The following ALG14 variants were observed in gnomAD, a reference collection of about 807,000 sequenced individuals.
ALG14 encodes UDP-N-acetylglucosamine transferase subunit ALG14.
ALG14 carries 17 observed loss-of-function variants against 22.8 expected under a neutral mutation model. That is an observed-to-expected ratio of 0.75 (90% confidence interval 0.51 to 1.12). The LOEUF (loss-of-function observed/expected upper bound fraction) is 1.12. Among genes scored for constraint, ALG14 ranks in the 50% most tolerant of loss-of-function variants. The probability of loss-of-function intolerance (pLI) is 0.00; values close to 1 mark genes in which losing one functional copy is unlikely to be tolerated. For synonymous variants in ALG14, 89 were observed against 103.7 expected (o/e 0.86, Z 0.86); for missense variants, 288 against 271.8 (o/e 1.06, Z -0.42).
intron 1 of ALG14, among the ~76,000 whole-genome samples, chr1:95,071,204 C>A (rs1675550281): frequency 6.6e-6 from 1 of 152,176 alleles, no homozygotes; most frequent in South Asian, 2.1e-4. Flanking sequence ...GGCCTGTGGT[C>A]TTAACCCCTA....
intron 1 of ALG14, among the ~76,000 whole-genome samples, chr1:95,066,003 G>A (rs755806462): frequency 4.6e-5 from 7 of 152,032 alleles, no homozygotes; most frequent in African/African-American, 1.4e-4. Flanking sequence ...TTTCAGTCTC[G>A]TTTCACAAGC....
At chr1:95,019,944 G>A (rs1673613007) in intron 3 of ALG14, among the ~76,000 whole-genome samples, 1 of 152,178 alleles carries the variant, frequency 6.6e-6, no homozygotes, top group Non-Finnish European at 1.5e-5. Context: ...ATGGCCGGGT[G>A]TGGTGGCTCA....
chr1:95,065,514 T>C (rs1675330453), intron 1 of ALG14, among the ~76,000 whole-genome samples: 2 of 152,134 alleles, frequency 1.3e-5, no homozygotes, highest in Admixed American at 1.3e-4. Flanking sequence ...ATGGGGATTG[T>C]TAGGGCATGA....
chr1:95,014,471 A>G (rs1404524363), intron 3 of ALG14, among the ~76,000 whole-genome samples: 1 of 152,154 alleles, frequency 6.6e-6, no homozygotes, highest in African/African-American at 2.4e-5. Flanking sequence ...CCCAGTCCAG[A>G]TCATCCTTCC....
chr1:95,021,728 C>T (rs751333544), intron 3 of ALG14, among the ~76,000 whole-genome samples: 1 of 152,184 alleles, frequency 6.6e-6, no homozygotes. Context: ...GTTCTCACCT[C>T]GTCACCAGCA....
intron 2 of ALG14, among the ~76,000 whole-genome samples, chr1:95,041,176 C>T (rs150442095): frequency 3.3e-3 from 504 of 152,136 alleles, no homozygotes; most frequent in African/African-American, 0.011. Context: ...TCATTTAGAC[C>T]GGCCTCCTTT....
At chr1:94,986,661 C>T (rs1412713995) in intron 3 of ALG14, among the ~76,000 whole-genome samples, 3 of 151,762 alleles carry the variant, frequency 2.0e-5, no homozygotes, top group Non-Finnish European at 2.9e-5. Context: ...TTAGTAGAGA[C>T]GGGGTTTCAC....
chr1:94,993,448 T>C (rs1004826482), intron 3 of ALG14, among the ~76,000 whole-genome samples: 3 of 147,766 alleles, frequency 2.0e-5, no homozygotes, highest in Non-Finnish European at 3.0e-5. Context: ...ATTTATATAA[T>C]ATATAAAGAT....
intron 2 of ALG14, among the ~76,000 whole-genome samples, chr1:95,062,765 T>C (rs1413643467): frequency 6.6e-6 from 1 of 152,240 alleles, no homozygotes; most frequent in Non-Finnish European, 1.5e-5. Flanking sequence ...AACATATGTG[T>C]GCATGTATCT....
chr1:94,984,619 A>G (rs1030119963), intron 3 of ALG14, among the ~76,000 whole-genome samples: 1 of 152,196 alleles, frequency 6.6e-6, no homozygotes, highest in African/African-American at 2.4e-5. Context: ...TTGTCTTCAG[A>G]CTTTCCCTTG....
intron 2 of ALG14, among the ~76,000 whole-genome samples, chr1:95,058,815 A>C (rs977072428): frequency 2.6e-5 from 4 of 151,906 alleles, no homozygotes; most frequent in African/African-American, 9.7e-5. Flanking sequence ...TGTTATGATG[A>C]GATTTAATTA....
At chr1:95,056,685 CTT>C (rs1283427965) in intron 2 of ALG14, among the ~76,000 whole-genome samples, 1 of 151,952 alleles carries the variant, frequency 6.6e-6, no homozygotes, top group African/African-American at 2.4e-5. Flanking sequence ...GAAAATAACA[CTT>C]GAGTATAACT....
intron 2 of ALG14, among the ~76,000 whole-genome samples, chr1:95,059,413 A>AAAC (rs1557653893): frequency 1.4e-5 from 2 of 143,408 alleles, no homozygotes; most frequent in Non-Finnish European, 3.1e-5. Flanking sequence ...AAAAAAAAAA[A>AAAC]AAAAAAACAT....
Position 95,059,450 on chromosome 1 carries a change from C to T in ALG14, c.288+5416G>A, listed in dbSNP as rs77708518. Among the ~76,000 whole-genome samples, 450 of 150,012 alleles carry T rather than the reference C, an allele frequency of 3.0e-3. 35 individuals carry two copies. The East Asian group carries it at 0.068, about 23-fold the overall frequency. ...TTATTCTTGTTTATTTGGAATATCTCCTTGAATTTCAATGATAATATGAAA... is the reference window on the plus strand; with the variant it reads ...TTATTCTTGTTTATTTGGAATATCTTCTTGAATTTCAATGATAATATGAAA... On this transcript the variant is annotated intron_variant, in intron 2 of 3. Transcript: ENST00000370205.
chr1:95,004,716 T>C (rs1485845717), intron 3 of ALG14, among the ~76,000 whole-genome samples: 1 of 151,974 alleles, frequency 6.6e-6, no homozygotes, highest in Non-Finnish European at 1.5e-5. Flanking sequence ...TTAGCCAGGA[T>C]GGTCTCCATC....
At chr1:95,022,042 A>G (rs2100763644) in intron 3 of ALG14, among the ~76,000 whole-genome samples, 1 of 152,366 alleles carries the variant, frequency 6.6e-6, no homozygotes, top group Admixed American at 6.5e-5. Context: ...GCAAAACAAG[A>G]GAGCAAAAAT....
intron 3 of ALG14, among the ~76,000 whole-genome samples, chr1:94,998,393 C>T (rs1408417923): frequency 6.6e-6 from 1 of 152,100 alleles, no homozygotes; most frequent in Non-Finnish European, 1.5e-5. Context: ...CAAAACCAGG[C>T]TCCCTTTGGT....
rs765579564 is a variant in ALG14, at chr1:95,072,797, C to T, written c.102G>A (p.Arg34=). ...VVLRSMDVTP[R]ESLSILVVAG... ...CCACTACCAAGATACTGAGAGACTCCCGGGGCGTAACGTCCATGGAACGAA... is the reference window on the plus strand; with the variant it reads ...CCACTACCAAGATACTGAGAGACTCTCGGGGCGTAACGTCCATGGAACGAA... The change falls in exon 1 of 4, where the codon CGG becomes CGA. Residue 34 remains arginine, a synonymous_variant. Coordinates refer to ENST00000370205, the MANE Select transcript of ALG14 (RefSeq NM_144988.4). 32 of 1,614,030 alleles carry T rather than the reference C, an allele frequency of 2.0e-5. 1 individual carries two copies. The South Asian group carries it at 3.4e-4, about 17-fold the overall frequency.
intron 2 of ALG14, among the ~76,000 whole-genome samples, chr1:95,047,959 C>T (rs1674615194): frequency 6.6e-6 from 1 of 152,136 alleles, no homozygotes; most frequent in African/African-American, 2.4e-5. Flanking sequence ...CTGGGCAACA[C>T]AGCAAGATCC....
Sources: allele counts gnomAD v4.1 joint callset (sites outside exome capture counted in the v4.1 genomes callset), GRCh38; gene constraint gnomAD v4.1.1; transcripts MANE v1.5; gene names NCBI Gene and HGNC (gene_info 2026-07-23, HGNC 2026-07-21).